RIPOR2: variants seen among roughly 807,000 people sequenced by gnomAD.
RIPOR2 encodes rho family-interacting cell polarization regulator 2.
In RIPOR2, 39 loss-of-function variants were observed where a neutral mutation model predicts 114.5. The ratio of observed to expected loss-of-function variants is 0.34; its 90% CI spans 0.26 to 0.44. The LOEUF (loss-of-function observed/expected upper bound fraction) is 0.44, where lower values mean the gene tolerates loss of function less well. Among genes scored for constraint, RIPOR2 ranks in the 20% least tolerant of loss-of-function variants. The pLI, the probability that RIPOR2 is intolerant of heterozygous loss-of-function variation, is 1.00. For missense variants in RIPOR2, 1,007 were observed against 1,255.1 expected (o/e 0.80, Z 2.99); for synonymous variants, 445 against 484.4 (o/e 0.92, Z 1.07).
intron 1 of RIPOR2, among the ~76,000 whole-genome samples, chr6:25,011,633 A>ATATTTT (rs1775778177): frequency 6.6e-6 from 1 of 152,204 alleles, no homozygotes; most frequent in East Asian, 1.9e-4. Flanking sequence ...TATATTCTTT[A>ATATTTT]ATAAAGCACA....
intron 1 of RIPOR2, among the ~76,000 whole-genome samples, chr6:25,027,127 A>G (rs1472636080): frequency 1.3e-5 from 2 of 152,270 alleles, no homozygotes; most frequent in African/African-American, 4.8e-5. Context: ...TTGCTGATGC[A>G]TTCTATTTTT....
intron 10 of RIPOR2, 68 bp from the exon 11 acceptor site, chr6:24,850,018 A>T: frequency 1.5e-6 from 2 of 1,362,378 alleles, no homozygotes; most frequent in South Asian, 1.4e-5. Context: ...ATAATGTGTC[A>T]TTTTTTTTAC....
chr6:24,875,581 G>A, intron 2 of RIPOR2, 110 bp downstream of exon 2: 1 of 932,570 alleles, frequency 1.1e-6, no homozygotes, highest in South Asian at 1.7e-5. Flanking sequence ...AAATGGGGAG[G>A]AGGCCGGGGG....
At chr6:24,983,529 G>T (rs2113591547) in intron 1 of RIPOR2, among the ~76,000 whole-genome samples, 1 of 152,150 alleles carries the variant, frequency 6.6e-6, no homozygotes, top group East Asian at 1.9e-4. Flanking sequence ...GGCCTAGGCG[G>T]GTGGATCACC....
intron 1 of RIPOR2, among the ~76,000 whole-genome samples, chr6:25,036,682 C>T (rs1394205424): frequency 1.3e-5 from 2 of 152,192 alleles, no homozygotes; most frequent in Non-Finnish European, 2.9e-5. Flanking sequence ...TGTAAGCCAC[C>T]ACGCTAGGCT....
At chr6:24,836,840 TCTC>T (rs1761159226) in intron 14 of RIPOR2, among the ~76,000 whole-genome samples, 1 of 152,062 alleles carries the variant, frequency 6.6e-6, no homozygotes, top group South Asian at 2.1e-4. Context: ...ACTCTCTCTC[TCTC>T]TCTGTCTCTC....
chr6:24,963,390 TCC>T (rs1402117912), intron 1 of RIPOR2, among the ~76,000 whole-genome samples: 1 of 152,188 alleles, frequency 6.6e-6, no homozygotes, highest in African/African-American at 2.4e-5. Flanking sequence ...TGGCAAATAA[TCC>T]ACACCTAGAA....
chr6:24,999,299 C>T (rs1775190941), intron 1 of RIPOR2, among the ~76,000 whole-genome samples: 1 of 152,216 alleles, frequency 6.6e-6, no homozygotes, highest in Admixed American at 6.5e-5. Flanking sequence ...AATCACACAC[C>T]TGCCAGTGCC....
In RIPOR2 at chr6:25,022,783, C is replaced by G. The variant is rs112822181; in HGVS notation, c.76+19068G>C. ...CTGGTCTTGAACTCATGGGCTCAAGCAGTCCTCTCCCCACCATCTCCCAAA... is the reference window on the plus strand; with the variant it reads ...CTGGTCTTGAACTCATGGGCTCAAGGAGTCCTCTCCCCACCATCTCCCAAA... On this transcript the variant is annotated intron_variant, in intron 1 of 13. Coordinates refer to the RIPOR2 transcript ENST00000510784. Among the ~76,000 whole-genome samples, 344 of 151,942 alleles carry G rather than the reference C, an allele frequency of 2.3e-3. 1 individual carries two copies. Among genetic ancestry groups the G allele is most frequent in the African/African-American group, 8.0e-3 (330 of 41,494 alleles).
At chr6:24,808,762 CTT>C (rs10587871) in intron 21 of RIPOR2, among the ~76,000 whole-genome samples, 89,803 of 127,866 alleles carry the variant, frequency 0.7, 32,529 homozygotes, top group East Asian at 0.85. Context: ...ATACTTTTTT[CTT>C]TTTTTTTTTT....
intron 1 of RIPOR2, among the ~76,000 whole-genome samples, chr6:25,031,516 A>T (rs950269304): frequency 6.6e-6 from 1 of 151,026 alleles, no homozygotes; most frequent in Non-Finnish European, 1.5e-5. Flanking sequence ...CTCAATAAAC[A>T]TGACTAAAAA....
intron 1 of RIPOR2, among the ~76,000 whole-genome samples, chr6:24,932,490 G>A (rs549840314): frequency 9.2e-5 from 14 of 152,240 alleles, no homozygotes; most frequent in African/African-American, 3.1e-4. Flanking sequence ...TTTAGAACAA[G>A]AGCAGTTACA....
intron 1 of RIPOR2, among the ~76,000 whole-genome samples, chr6:24,901,009 C>T (rs950907833): frequency 9.2e-5 from 14 of 152,104 alleles, no homozygotes; most frequent in South Asian, 2.1e-4. Context: ...TTGAAAATTT[C>T]GATGGCTTCA....
At chr6:24,878,421 G>C (rs537388411) in intron 1 of RIPOR2, among the ~76,000 whole-genome samples, 8 of 151,962 alleles carry the variant, frequency 5.3e-5, no homozygotes, top group Non-Finnish European at 8.8e-5. Context: ...GTCTCAATTT[G>C]GCAAATTTTA....
intron 12 of RIPOR2, among the ~76,000 whole-genome samples, chr6:24,845,525 G>A (rs1296104906): frequency 6.6e-6 from 1 of 152,266 alleles, no homozygotes; most frequent in African/African-American, 2.4e-5. Flanking sequence ...GGGAGATTGG[G>A]TAGTCAGGAT....
chr6:24,906,393 C>A (rs970442495), intron 1 of RIPOR2, among the ~76,000 whole-genome samples: 1 of 152,174 alleles, frequency 6.6e-6, no homozygotes, highest in African/African-American at 2.4e-5. Context: ...TTAGAATAGG[C>A]ACATGAATGA....
chr6:24,818,981 A>C (rs546708591), intron 19 of RIPOR2, among the ~76,000 whole-genome samples: 1 of 152,126 alleles, frequency 6.6e-6, no homozygotes, highest in Middle Eastern at 3.4e-3. Context: ...CCAGATCATT[A>C]ACTTTTTCTT....
Position 24,961,305 on chromosome 6 carries a change from C to T in RIPOR2, c.76+80546G>A, listed in dbSNP as rs531374914. On this transcript the variant is annotated intron_variant, in intron 1 of 13. Transcript: ENST00000510784. The stretch of plus-strand genomic sequence containing the variant: ...GATACTTGTTGGAGAAGGGAGTATT[C>T]CAGGTTGGGGGAACATTGTGTGAAA... 7.2e-5 allele frequency among the ~76,000 whole-genome samples: 11 copies of T among 152,198 alleles called. 1 individual carries two copies. In the East Asian group the frequency reaches 1.9e-3, roughly 27 times the overall value.
At chr6:25,008,018 T>C (rs970929703) in intron 1 of RIPOR2, among the ~76,000 whole-genome samples, 2 of 152,162 alleles carry the variant, frequency 1.3e-5, no homozygotes, top group African/African-American at 2.4e-5. Flanking sequence ...TTCTGCCTTA[T>C]TTTTATTTTT....
Sources: gnomAD v4.1 joint callset for allele counts (sites outside exome capture counted in the v4.1 genomes callset) on GRCh38, gnomAD v4.1.1 for gene constraint, MANE v1.5 for transcripts, NCBI Gene and HGNC (gene_info 2026-07-23, HGNC 2026-07-21) for gene names.